DOCK4: variants seen among roughly 807,000 people sequenced by gnomAD.
The protein encoded by DOCK4 is dedicator of cytokinesis protein 4.
DOCK4 carries 97 observed loss-of-function variants against 268.1 expected under a neutral mutation model. That is an observed-to-expected ratio of 0.36 (90% CI 0.31 to 0.43). The LOEUF (loss-of-function observed/expected upper bound fraction) is 0.43, where lower values mean the gene tolerates loss of function less well. DOCK4 is among the 20% of genes least tolerant of loss of function. The pLI, the probability that DOCK4 is intolerant of heterozygous loss-of-function variation, is 1.00. For missense variants in DOCK4, 2,145 were observed against 2,455.7 expected (o/e 0.87, Z 2.67); for synonymous variants, 954 against 887.2 (o/e 1.08, Z -1.34).
chr7:111,770,124 T>A (rs1215148275), intron 36 of DOCK4, among the ~76,000 whole-genome samples: 1 of 143,526 alleles, frequency 7.0e-6, no homozygotes, highest in Non-Finnish European at 1.5e-5. Context: ...TTCTTTGGGA[T>A]AATAAAGGGC....
At chr7:111,866,675 G>GT (rs1423105904) in intron 22 of DOCK4, among the ~76,000 whole-genome samples, 5 of 151,582 alleles carry the variant, frequency 3.3e-5, no homozygotes, top group South Asian at 2.1e-4. Flanking sequence ...TACAACTAAG[G>GT]TAAAAAAAAA....
intron 1 of DOCK4, among the ~76,000 whole-genome samples, chr7:112,157,889 T>G (rs1410910524): frequency 1.3e-5 from 2 of 152,134 alleles, no homozygotes; most frequent in Non-Finnish European, 2.9e-5. Context: ...TTTAAGCATT[T>G]AAATGATTAG....
At chr7:111,798,085 C>T (rs1188268168) in intron 30 of DOCK4, among the ~76,000 whole-genome samples, 7 of 152,288 alleles carry the variant, frequency 4.6e-5, no homozygotes, top group East Asian at 3.9e-4. Context: ...CCAGGATCCC[C>T]GAGGTGCATC....
rs528113056 is a variant in DOCK4 at position 111,780,803 on chromosome 7, C to A, written c.3585+2061G>T. On this transcript the variant is annotated intron_variant, in intron 35 of 52. Coordinates refer to ENST00000428084, the MANE Select transcript of DOCK4 (RefSeq NM_001363540.2). ...CATTGCTACTAGAAAAAATCAAGAA[C>A]CTTCCATGTGGAGTAGAGGCTAAAA... Among the ~76,000 whole-genome samples, 11 of 152,286 alleles carry A rather than the reference C, an allele frequency of 7.2e-5. No individual in the cohort carries two copies. The South Asian group carries it at 1.7e-3, about 23-fold the overall frequency.
At chr7:111,962,970 C>G (rs1797049705) in intron 8 of DOCK4, among the ~76,000 whole-genome samples, 1 of 152,164 alleles carries the variant, frequency 6.6e-6, no homozygotes, top group African/African-American at 2.4e-5. Flanking sequence ...CATGCATGAG[C>G]AGCCCTATGC....
At chr7:112,200,848 G>A (rs529536897) in intron 1 of DOCK4, among the ~76,000 whole-genome samples, 5 of 150,854 alleles carry the variant, frequency 3.3e-5, no homozygotes, top group South Asian at 2.1e-4. Flanking sequence ...CATTTTTATA[G>A]ACCATTCCCA....
At chr7:111,928,840 C>T (rs373448015) in intron 12 of DOCK4, among the ~76,000 whole-genome samples, 84 of 152,236 alleles carry the variant, frequency 5.5e-4, no homozygotes, top group African/African-American at 1.8e-3. Flanking sequence ...CCACGGACCT[C>T]GGCCTCCCAA....
chr7:111,985,287 C>T (rs369832740), intron 6 of DOCK4, among the ~76,000 whole-genome samples: 2 of 152,098 alleles, frequency 1.3e-5, no homozygotes, highest in Non-Finnish European at 2.9e-5. Context: ...AATGCCCTAT[C>T]GATCAAGGCC....
intron 1 of DOCK4, among the ~76,000 whole-genome samples, chr7:112,027,473 C>T (rs543278721): frequency 5.2e-4 from 79 of 152,206 alleles, no homozygotes; most frequent in Non-Finnish European, 1.0e-3. Context: ...GATCCACCTG[C>T]CTCGGCCTCC....
At chr7:112,098,265 G>A (rs1267611408) in intron 1 of DOCK4, among the ~76,000 whole-genome samples, 5 of 151,950 alleles carry the variant, frequency 3.3e-5, no homozygotes, top group South Asian at 4.2e-4. Flanking sequence ...TGCAACCTCC[G>A]CCTCCTGAGT....
intron 1 of DOCK4, among the ~76,000 whole-genome samples, chr7:112,165,272 T>A (rs890934366): frequency 6.6e-6 from 1 of 152,180 alleles, no homozygotes; most frequent in Non-Finnish European, 1.5e-5. Context: ...TATTTGTGCA[T>A]GTTTGTAACC....
At chr7:112,200,748 A>AAAAAAC (rs1256761419) in intron 1 of DOCK4, among the ~76,000 whole-genome samples, 2 of 150,502 alleles carry the variant, frequency 1.3e-5, no homozygotes, top group African/African-American at 2.4e-5. Context: ...ACAAAAAAAA[A>AAAAAAC]CAAGATCATA....
At chr7:111,942,076 C>T (rs914067161) in intron 10 of DOCK4, among the ~76,000 whole-genome samples, 1 of 152,134 alleles carries the variant, frequency 6.6e-6, no homozygotes, top group African/African-American at 2.4e-5. Flanking sequence ...TCTGACTGGG[C>T]TTTGGGAAAC....
At chr7:111,731,813 G>T (rs1412383707) in intron 52 of DOCK4, among the ~76,000 whole-genome samples, 7 of 152,090 alleles carry the variant, frequency 4.6e-5, no homozygotes, top group Admixed American at 4.6e-4. Flanking sequence ...AAGGCAAAAA[G>T]ACACAGAATA....
At chr7:111,735,610 G>A (rs1254489679) in intron 50 of DOCK4, among the ~76,000 whole-genome samples, 2 of 152,208 alleles carry the variant, frequency 1.3e-5, no homozygotes, top group Non-Finnish European at 2.9e-5. Flanking sequence ...GAACAGCCAT[G>A]CAATATTATC....
intron 2 of DOCK4, among the ~76,000 whole-genome samples, chr7:112,001,251 C>T (rs1352209117): frequency 6.6e-6 from 1 of 152,140 alleles, no homozygotes; most frequent in Non-Finnish European, 1.5e-5. Context: ...TCATGGTCAA[C>T]CTGGGTGCAA....
Position 111,790,523 on chromosome 7 carries a change from A to T in DOCK4, c.3249T>A (p.Asn1083Lys). Residue 1083 changes from asparagine to lysine, a missense_variant, in exon 31 of 53, where the codon AAT (asparagine) becomes AAA (lysine). Around this residue, in one of 2 missense-constraint regions of DOCK4, gnomAD observed 1,598 missense variants for 1,986.7 expected, o/e 0.80. Transcript: ENST00000428084. Reference sequence around the variant, plus strand: ...TATCATGAAAAATTGGAATCATGACATTCCGAAGATCTGGCTGGGGTATCA... The same window carrying T: ...TATCATGAAAAATTGGAATCATGACTTTCCGAAGATCTGGCTGGGGTATCA... ...VTLIPQPDLR[N>K]VMIPIFHDMM... The T allele has an allele frequency of 6.2e-7, 1 of 1,613,928 alleles. No individual in the cohort carries two copies. Among genetic ancestry groups the T allele is most frequent in the Non-Finnish European group, 8.5e-7 (1 of 1,179,858 alleles).
At chr7:111,836,865 A>C (rs1320885606) in intron 25 of DOCK4, among the ~76,000 whole-genome samples, 1 of 152,172 alleles carries the variant, frequency 6.6e-6, no homozygotes, top group African/African-American at 2.4e-5. Flanking sequence ...ATAAAAAGAA[A>C]AACAGAAAAA....
chr7:111,733,873 G>A (rs922426608), intron 51 of DOCK4, among the ~76,000 whole-genome samples: 1 of 152,170 alleles, frequency 6.6e-6, no homozygotes, highest in South Asian at 2.1e-4. Flanking sequence ...GACCTCATAT[G>A]TCTCTCAAAA....
Sources: allele counts gnomAD v4.1 joint callset (sites outside exome capture counted in the v4.1 genomes callset), GRCh38; gene constraint gnomAD v4.1.1; regional missense constraint gnomAD v4.1.1; transcripts MANE v1.5; gene names NCBI Gene and HGNC (gene_info 2026-07-23, HGNC 2026-07-21).